The following MEF2C variants were observed in gnomAD, a reference collection of about 807,000 sequenced individuals.
The protein encoded by MEF2C is myocyte enhancer factor 2C.
In MEF2C, 6 loss-of-function variants were observed where a neutral mutation model predicts 50.5. That is an observed-to-expected ratio of 0.12 (90% CI 0.07 to 0.23). The LOEUF (loss-of-function observed/expected upper bound fraction) is 0.23, where lower values mean the gene tolerates loss of function less well. MEF2C is among the 10% of genes least tolerant of loss of function. The pLI, the probability that MEF2C is intolerant of heterozygous loss-of-function variation, is 1.00. For synonymous variants in MEF2C, 183 were observed against 228.0 expected (o/e 0.80, Z 1.78); for missense variants, 276 against 605.0 (o/e 0.46, Z 5.70).
chr5:88,843,265 G>T (rs1346242120), intron 1 of MEF2C: 3 of 821,204 alleles, frequency 3.7e-6, no homozygotes, highest in Admixed American at 6.4e-5. Flanking sequence ...TTCTATTTGG[G>T]TATCTTACTC....
At chr5:88,738,615 GAACC>G in intron 6 of MEF2C, 1 of 985,254 alleles carries the variant, frequency 1.0e-6, no homozygotes, top group Non-Finnish European at 1.2e-6. Context: ...TGCTCCTTCA[GAACC>G]AGTCATGCTC....
chr5:88,732,980 G>A, intron 6 of MEF2C: 1 of 615,370 alleles, frequency 1.6e-6, no homozygotes, highest in South Asian at 7.3e-5. Flanking sequence ...TACCCAGTGA[G>A]GATGCAAAGA....
At chr5:88,743,822 T>A (rs1354997170) in intron 6 of MEF2C, 2 of 984,768 alleles carry the variant, frequency 2.0e-6, no homozygotes, top group Non-Finnish European at 2.4e-6. Context: ...ACCAAATGCA[T>A]AAAATAGTCA....
At chr5:88,740,365 TTA>T in intron 6 of MEF2C, 5 of 985,226 alleles carry the variant, frequency 5.1e-6, no homozygotes, top group Non-Finnish European at 6.0e-6. Context: ...GAAATTTTAC[TTA>T]TTACTAAGTT....
intron 6 of MEF2C, chr5:88,743,157 T>G (rs1275481297): frequency 3.3e-6 from 3 of 916,218 alleles, no homozygotes; most frequent in Non-Finnish European, 3.9e-6. Context: ...AATATAAAAA[T>G]TATATCTTTA....
intron 3 of MEF2C, among the ~76,000 whole-genome samples, chr5:88,771,154 T>C (rs2152773248): frequency 6.6e-6 from 1 of 152,306 alleles, no homozygotes. Flanking sequence ...CAAGATTTAA[T>C]TACTTCCCAC....
intron 10 of MEF2C, among the ~76,000 whole-genome samples, chr5:88,727,760 T>C (rs1759529111): frequency 6.6e-6 from 1 of 151,708 alleles, no homozygotes; most frequent in South Asian, 2.1e-4. Context: ...CAGTTAACGT[T>C]TTAAGCTTTT....
At chr5:88,884,113 C>T (rs1407052905), upstream of MEF2C, among the ~76,000 whole-genome samples, 1 of 152,208 alleles carries the variant, frequency 6.6e-6, no homozygotes, top group Non-Finnish European at 1.5e-5. Flanking sequence ...CTGCGGAGGA[C>T]GCTCGGAGAG....
At chr5:88,734,737 T>C (rs1464755563) in intron 6 of MEF2C, 18 of 983,274 alleles carry the variant, frequency 1.8e-5, no homozygotes, top group Non-Finnish European at 2.2e-5. Flanking sequence ...AGTAAATACC[T>C]CAAAACTAAA....
chr5:88,857,277 T>A (rs1005908322), intron 1 of MEF2C, among the ~76,000 whole-genome samples: 1 of 152,216 alleles, frequency 6.6e-6, no homozygotes, highest in Admixed American at 6.5e-5. Context: ...GGGTGTATTT[T>A]CCCAATGCCT....
At chr5:88,763,656 CT>C (rs1216067217) in intron 3 of MEF2C, among the ~76,000 whole-genome samples, 317 of 141,154 alleles carry the variant, frequency 2.2e-3, no homozygotes, top group Admixed American at 2.5e-3. Context: ...TTCTTTCTTT[CT>C]TTTTTTTTTT....
chr5:88,807,551 C>T (rs1282520437), intron 2 of MEF2C, among the ~76,000 whole-genome samples: 1 of 152,096 alleles, frequency 6.6e-6, no homozygotes, highest in Non-Finnish European at 1.5e-5. Context: ...AAATAAAGTT[C>T]TTTGAGTTTG....
In MEF2C at chr5:88,752,414, A is replaced by C. The variant is rs192352001; in HGVS notation, c.403-371T>G. On this transcript the variant is annotated intron_variant, in intron 4 of 10. Coordinates refer to ENST00000504921, the MANE Select transcript of MEF2C (RefSeq NM_002397.5). The stretch of plus-strand genomic sequence containing the variant: ...TGATTGTGATGACTTCACAGAGAAA[A>C]AGGATTAAAATGCAAACCGAAGCCT... 5.9e-5 allele frequency among the ~76,000 whole-genome samples: 9 copies of C among 152,350 alleles called. No homozygotes were observed. The East Asian group carries it at 1.7e-3, about 29-fold the overall frequency.
intron 4 of MEF2C, among the ~76,000 whole-genome samples, chr5:88,756,534 C>A (rs1270779434): frequency 6.6e-6 from 1 of 152,166 alleles, no homozygotes; most frequent in African/African-American, 2.4e-5. Context: ...GCCTTTCTAT[C>A]AGGAATCTCA....
chr5:88,799,503 GTAAAGAAGTC>G (rs1207999537), intron 3 of MEF2C, among the ~76,000 whole-genome samples: 3 of 152,190 alleles, frequency 2.0e-5, no homozygotes, highest in Non-Finnish European at 2.9e-5. Context: ...TACTGAGTTT[GTAAAGAAGTC>G]CAATTTCGCT....
chr5:88,831,124 G>A (rs773330200), intron 1 of MEF2C, among the ~76,000 whole-genome samples: 4 of 151,916 alleles, frequency 2.6e-5, no homozygotes, highest in Admixed American at 1.3e-4. Flanking sequence ...CATATTTCAC[G>A]ATTAAAATGG....
At chr5:88,868,917 A>T (rs1828256404) in intron 1 of MEF2C, among the ~76,000 whole-genome samples, 1 of 152,148 alleles carries the variant, frequency 6.6e-6, no homozygotes, top group East Asian at 1.9e-4. Context: ...GTCAAAAAAC[A>T]TTATAAAATC....
At chr5:88,753,784 GA>G (rs1171699168) in intron 4 of MEF2C, among the ~76,000 whole-genome samples, 2 of 152,172 alleles carry the variant, frequency 1.3e-5, no homozygotes, top group Non-Finnish European at 2.9e-5. Context: ...GTAAACAGGG[GA>G]AATAATTTTT....
At chr5:88,855,648 G>C (rs1431917158) in intron 1 of MEF2C, among the ~76,000 whole-genome samples, 1 of 152,140 alleles carries the variant, frequency 6.6e-6, no homozygotes, top group East Asian at 1.9e-4. Flanking sequence ...CTGTTCTCCT[G>C]ATAGTAAGTG....
Sources: allele counts gnomAD v4.1 joint callset (sites outside exome capture counted in the v4.1 genomes callset), GRCh38; gene constraint gnomAD v4.1.1; transcripts MANE v1.5; gene names NCBI Gene and HGNC (gene_info 2026-07-23, HGNC 2026-07-21).